Variants in SNAPC4 observed in about 807,000 individuals in gnomAD.
SNAPC4 encodes small nuclear RNA activating complex polypeptide 4.
In SNAPC4, 127 loss-of-function variants were observed where a neutral mutation model predicts 151.3. The observed-to-expected ratio is 0.84, with a 90% CI of 0.73 to 0.97. The LOEUF (loss-of-function observed/expected upper bound fraction) is 0.97. SNAPC4 is among the 50% of genes least tolerant of loss of function. The probability of loss-of-function intolerance (pLI) is 0.00; values close to 1 mark genes in which losing one functional copy is unlikely to be tolerated. For missense variants in SNAPC4, 2,186 were observed against 1,935.0 expected (o/e 1.13, Z -2.43); for synonymous variants, 1,002 against 824.4 (o/e 1.22, Z -3.69).
chr9:136,376,374 C>T lies in SNAPC4; in HGVS notation c.4392G>A (p.Lys1464=). Residue 1464 remains lysine (K), a synonymous_variant, in exon 23 of 24, where the codon AAG becomes AAA. Coordinates refer to ENST00000684778, the MANE Select transcript of SNAPC4 (RefSeq NM_003086.4). ...LRTRHARHTR[K]RRRLV is the part of the protein sequence containing the mutation. ...CTGCTGCTCACACCAGCCGCCTCCG[C>T]TTCCGGGTGTGCCTGGCATGCCGGG... 1.9e-6 allele frequency: 3 copies of T among 1,613,340 alleles called. No homozygotes were observed. The highest frequency in any genetic ancestry group is 2.5e-6 in the Non-Finnish European group (3 of 1,179,960).
chr9:136,398,458 G>A (rs371686532), intron 1 of SNAPC4, 21 bp from the exon 2 acceptor site: 29 of 1,605,016 alleles, frequency 1.8e-5, no homozygotes, highest in Admixed American at 6.7e-5. Flanking sequence ...AACACACCCC[G>A]AGATGTTAGA....
intron 10 of SNAPC4, among the ~76,000 whole-genome samples, chr9:136,388,843 T>G (rs1833977568): frequency 6.6e-6 from 1 of 152,092 alleles, no homozygotes; most frequent in Non-Finnish European, 1.5e-5. Flanking sequence ...AAGAAAATAT[T>G]AAGAAAAATT....
At chr9:136,397,462 T>TG (rs142627523) in intron 2 of SNAPC4, among the ~76,000 whole-genome samples, 22,576 of 143,198 alleles carry the variant, frequency 0.16, 1,822 homozygotes, top group East Asian at 0.25. Flanking sequence ...GAAGCAAGGC[T>TG]GGGGGGGTCT....
chr9:136,388,547 G>A lies in SNAPC4; in HGVS notation c.1020C>T (p.His340=), dbSNP rs1446404335. 6.2e-7 allele frequency: 1 copy of A among 1,614,114 alleles called. No individual in the cohort carries two copies. The highest frequency in any genetic ancestry group is 1.7e-5 in the Admixed American group (1 of 60,024). Residue 340 remains histidine (H), a synonymous_variant, in exon 11 of 24, where the codon CAC becomes CAT. Transcript: ENST00000684778. ...ACTCCTTGCGTTTCAGAGCTTTGTT[G>A]TGCTGCTGGAATTTCTGCAGGCACT... is the stretch of plus-strand genomic sequence containing the variant. ...AFQCLQKFQQ[H]NKALKRKEWT...
chr9:136,385,977 G>C (rs1833875102), intron 13 of SNAPC4, among the ~76,000 whole-genome samples: 2 of 152,122 alleles, frequency 1.3e-5, no homozygotes, highest in South Asian at 4.1e-4. Flanking sequence ...TGTGGACATT[G>C]TTGTATCTGA....
Position 136,397,002 on chromosome 9 carries a change from A to T in SNAPC4, c.152T>A (p.Leu51Ter). The change falls in exon 3 of 24, where the codon TTG becomes TAG. Residue 51 changes from leucine (L) to a stop codon, truncating the protein, a stop_gained. Transcript: ENST00000684778. LOFTEE classifies it high-confidence loss of function. ...CGAGATCGGGGGATCGGCAGGATCC[A>T]AGTCCTCAGAAGGCAGTGAATCTGT... is the stretch of plus-strand genomic sequence containing the variant. ...SEADSLPSED[L>*]DPADPPISEE... The T allele has an allele frequency of 6.2e-7, 1 of 1,612,958 alleles. No homozygotes were observed. Among genetic ancestry groups the T allele is most frequent in the Non-Finnish European group, 8.5e-7 (1 of 1,179,954 alleles).
Position 136,377,631 on chromosome 9 carries a change from T to C in SNAPC4, c.4196A>G (p.Glu1399Gly). 3 of 1,581,188 alleles carry C rather than the reference T, an allele frequency of 1.9e-6. No homozygotes were observed. Among genetic ancestry groups the C allele is most frequent in the Non-Finnish European group, 2.6e-6 (3 of 1,162,114 alleles). The change falls in exon 22 of 24, where the codon GAG (glutamate) becomes GGG (glycine). Residue 1399 changes from glutamate to glycine, a missense_variant. Transcript: ENST00000684778. ...ACTCAGGAGGTCTTCATCCTCACTC[T>C]CAGAGCCCACCCTCGAAGGTACTGA... ...TLSVPSRVGS[E>G]SEDEDLLSEL... is the part of the protein sequence containing the mutation.
At chr9:136,379,996 C>T in intron 20 of SNAPC4, 132 bp from the exon 21 acceptor site, 2 of 1,408,374 alleles carry the variant, frequency 1.4e-6, no homozygotes, top group Non-Finnish European at 2.0e-6. Flanking sequence ...TGCTGGCCTC[C>T]CACACGCCTC....
intron 10 of SNAPC4, among the ~76,000 whole-genome samples, chr9:136,390,666 C>T (rs948237172): frequency 1.3e-5 from 2 of 151,004 alleles, no homozygotes; most frequent in Non-Finnish European, 2.9e-5. Flanking sequence ...CCATGGCACA[C>T]GCTCACCTAC....
chr9:136,378,757 C>T lies in SNAPC4; in HGVS notation c.3070G>A (p.Gly1024Arg), dbSNP rs566240190. ...GATGCAGCGGGGGCCTGAGACTGTC[C>T]GAGACCACTCTCGGGGCAGCTCACA... ...ISVSCPESGLGQSQAPAASRK... is the reference protein window; with the variant it reads ...ISVSCPESGLRQSQAPAASRK... Residue 1024 changes from glycine (G) to arginine (R), a missense_variant, in exon 22 of 24, where the codon GGA becomes AGA. Coordinates refer to ENST00000684778, the MANE Select transcript of SNAPC4 (RefSeq NM_003086.4). 13 of 1,531,938 alleles carry T rather than the reference C, an allele frequency of 8.5e-6. No individual in the cohort carries two copies. Among genetic ancestry groups the T allele is most frequent in the South Asian group, 3.8e-5 (3 of 78,080 alleles). The allele number at this position is 1,531,938 out of a possible 1,614,324, so 94.9% of individuals were successfully genotyped here. A position where few individuals can be genotyped will look rare whatever the true frequency, so the allele number is the denominator to read the frequency against.
chr9:136,392,039 T>A lies in SNAPC4; in HGVS notation c.878A>T (p.Asn293Ile). Residue 293 changes from asparagine to isoleucine, a missense_variant, in exon 10 of 24, where the codon AAC becomes ATC. Coordinates refer to ENST00000684778, the MANE Select transcript of SNAPC4 (RefSeq NM_003086.4). ...FWQNSEHPSI[N>I]KQEWSREEEE... ...CTCCTCCCTGCTCCACTCCTGCTTG[T>A]TGATGCTGGGGTGCTCCGAGTTCTG... is the stretch of plus-strand genomic sequence containing the variant. 1 of 1,612,562 alleles carries A rather than the reference T, an allele frequency of 6.2e-7. No individual in the cohort carries two copies. Among genetic ancestry groups the A allele is most frequent in the South Asian group, 1.1e-5 (1 of 91,076 alleles).
At chr9:136,382,100 C>T in intron 17 of SNAPC4, 27 bp from the exon 18 acceptor site, 1 of 1,564,452 alleles carries the variant, frequency 6.4e-7, no homozygotes, top group Non-Finnish European at 8.7e-7. Context: ...GCACCTGGGG[C>T]CCATGGCCAG....
At chr9:136,393,244 A>G (rs1482239119) in intron 7 of SNAPC4, among the ~76,000 whole-genome samples, 4 of 152,290 alleles carry the variant, frequency 2.6e-5, no homozygotes, top group African/African-American at 7.2e-5. Context: ...AACCCTGACC[A>G]TGCACATCAG....
Position 136,378,249 on chromosome 9 carries a change from G to C in SNAPC4, c.3578C>G (p.Ala1193Gly), listed in dbSNP as rs139860748. The C allele has an allele frequency of 6.8e-5, 110 of 1,609,546 alleles. No homozygotes were observed. The highest frequency in any genetic ancestry group is 9.2e-5 in the Non-Finnish European group (109 of 1,178,602). ...EIPEPRTSSH[A>G]DPPEAEPPWS... ...AGGGGGTTCTGCTTCAGGAGGGTCA[G>C]CGTGGGAGGACGTCCTGGGCTCAGG... The change falls in exon 22 of 24, where the codon GCT becomes GGT. Residue 1193 changes from alanine (A) to glycine (G), a missense_variant. Transcript: ENST00000684778.
intron 13 of SNAPC4, among the ~76,000 whole-genome samples, chr9:136,385,723 T>C (rs999204386): frequency 6.6e-5 from 10 of 152,026 alleles, no homozygotes; most frequent in Admixed American, 6.6e-4. Context: ...GTGTGGCTAG[T>C]TTTTGTATTT....
At chr9:136,393,452 G>A (rs957597184) in intron 7 of SNAPC4, among the ~76,000 whole-genome samples, 1 of 152,060 alleles carries the variant, frequency 6.6e-6, no homozygotes, top group African/African-American at 2.4e-5. Context: ...GGCTCTGGGA[G>A]CAGCTCTGTC....
At position 136,378,139 on chromosome 9, in the gene SNAPC4, C is replaced by T. The variant is rs997591842; in HGVS notation, c.3688G>A (p.Glu1230Lys). The change falls in exon 22 of 24, where the codon GAG becomes AAG. Residue 1230 changes from glutamate to lysine, a missense_variant. Coordinates refer to ENST00000684778, the MANE Select transcript of SNAPC4 (RefSeq NM_003086.4). ...TCCAGGCCCAGAGGCCCCCTGGGCT[C>T]CTGTGTCCCTGAGGGGGACCCCGGC... is the stretch of plus-strand genomic sequence containing the variant. ...GTPGSPSGTQ[E>K]PRGPLGLEKL... 1 of 1,608,088 alleles carries T rather than the reference C, an allele frequency of 6.2e-7. No individual in the cohort carries two copies. The highest frequency in any genetic ancestry group is 1.3e-5 in the African/African-American group (1 of 74,838).
At chr9:136,394,982 T>TC (rs1372233996) in intron 5 of SNAPC4, 104 bp from the exon 6 acceptor site, 13 of 1,032,052 alleles carry the variant, frequency 1.3e-5, no homozygotes, top group Admixed American at 2.4e-5. Flanking sequence ...TCCCCCTGCC[T>TC]CCTGTTCTCC....
intron 9 of SNAPC4, among the ~76,000 whole-genome samples, 187 bp downstream of exon 9, chr9:136,392,335 T>C (rs1183630347): frequency 6.6e-6 from 1 of 152,132 alleles, no homozygotes; most frequent in Non-Finnish European, 1.5e-5. Flanking sequence ...TGCACCAGCC[T>C]GAAGGCCCTC....
Sources: allele counts gnomAD v4.1 joint callset (sites outside exome capture counted in the v4.1 genomes callset), GRCh38; gene constraint gnomAD v4.1.1; transcripts MANE v1.5; gene names NCBI Gene and HGNC (gene_info 2026-07-23, HGNC 2026-07-21).